Variants in FERD3L observed in about 807,000 individuals in gnomAD.
FERD3L encodes the protein Fer3 like bHLH transcription factor, also known as fer3-like protein.
FERD3L carries 7 observed loss-of-function variants against 7.5 expected under a neutral mutation model. The observed-to-expected ratio is 0.94, with a 90% CI of 0.53 to 1.76. The LOEUF is 1.76. Ranked by LOEUF, FERD3L falls within the 40% of genes most tolerant of loss-of-function variation. FERD3L has a pLI of 0.00. For synonymous variants in FERD3L, 122 were observed against 94.4 expected (o/e 1.29, Z -1.70); for missense variants, 264 against 220.9 (o/e 1.20, Z -1.24).
chr7:19,145,387 A>G lies in FERD3L; in HGVS notation c.-25T>C. On this transcript the variant is annotated 5_prime_UTR_variant, in exon 1 of 1. The change abolishes an upstream ATG in the 5' untranslated region. Coordinates refer to ENST00000275461, the MANE Select transcript of FERD3L (RefSeq NM_152898.2). Reference sequence around the variant, plus strand: ...TCGCTTCGGCTTGGCCCTGCCTCTCATCGGTTTTCCGCAGGGAGGGGCGAG... The same window carrying G: ...TCGCTTCGGCTTGGCCCTGCCTCTCGTCGGTTTTCCGCAGGGAGGGGCGAG... The G allele has an allele frequency of 6.4e-7, 1 of 1,554,134 alleles. No individual in the cohort carries two copies. The highest frequency in any genetic ancestry group is 8.7e-7 in the Non-Finnish European group (1 of 1,148,264).
In FERD3L at chr7:19,145,025, C is replaced by A; in HGVS notation, c.338G>T (p.Arg113Leu). 6.2e-7 allele frequency: 1 copy of A among 1,614,200 alleles called. No homozygotes were observed. The highest frequency in any genetic ancestry group is 8.5e-7 in the Non-Finnish European group (1 of 1,180,042). ...RQAANIRERK[R>L]MFNLNEAFDQ... ...AAAGGCCTCGTTGAGGTTGAACATC[C>A]GCTTCCTTTCGCGGATGTTGGCGGC... The change falls in exon 1 of 1, where the codon CGG (arginine) becomes CTG (leucine). Residue 113 changes from arginine to leucine, a missense_variant. By Grantham distance (102) the Arg-to-Leu change is moderately radical. Coordinates refer to ENST00000275461, the MANE Select transcript of FERD3L (RefSeq NM_152898.2).
At position 19,145,223 on chromosome 7, in the gene FERD3L, C is replaced by A; in HGVS notation, c.140G>T (p.Arg47Leu). The change falls in exon 1 of 1, where the codon CGA becomes CTA. Residue 47 changes from arginine to leucine, a missense_variant. By Grantham distance (102) the Arg-to-Leu change is moderately radical (BLOSUM62 -2). Coordinates refer to ENST00000275461, the MANE Select transcript of FERD3L (RefSeq NM_152898.2). ...CGCCATCCTCCTGGGTCTTCCCTCTCGGAGCGCAAGGGCTGGGTCCCCCAA... is the reference window on the plus strand; with the variant it reads ...CGCCATCCTCCTGGGTCTTCCCTCTAGGAGCGCAAGGGCTGGGTCCCCCAA... ...VSLGDPALALREGRPRRMARF... is the reference protein window; with the variant it reads ...VSLGDPALALLEGRPRRMARF... 1 of 1,614,116 alleles carries A rather than the reference C, an allele frequency of 6.2e-7. No homozygotes were observed. The highest frequency in any genetic ancestry group is 8.5e-7 in the Non-Finnish European group (1 of 1,179,998).
Position 19,145,066 on chromosome 7 carries a change from G to A in FERD3L, c.297C>T (p.Thr99=), listed in dbSNP as rs1452474244. Reference sequence around the variant, plus strand: ...TGTTGGCGGCCTGGCGCTGGGCGTAGGTGATCACCCTTTTCCTCTTGGGGC... The same window carrying A: ...TGTTGGCGGCCTGGCGCTGGGCGTAAGTGATCACCCTTTTCCTCTTGGGGC... ...LGRPKRKRVI[T]YAQRQAANIR... is the part of the protein sequence containing the mutation. The change falls in exon 1 of 1, where the codon ACC becomes ACT. Residue 99 remains threonine (T), a synonymous_variant. Coordinates refer to ENST00000275461, the MANE Select transcript of FERD3L (RefSeq NM_152898.2). 1.2e-6 allele frequency: 2 copies of A among 1,614,020 alleles called. No homozygotes were observed. Among genetic ancestry groups the A allele is most frequent in the African/African-American group, 1.3e-5 (1 of 74,926 alleles).
chr7:19,145,318 G>A lies in FERD3L; in HGVS notation c.45C>T (p.Asp15=). The change falls in exon 1 of 1, where the codon GAC becomes GAT. Residue 15 remains aspartate, a synonymous_variant. Transcript: ENST00000275461. ...PESCVDTTVL[D]FVADLSLASP... is the part of the protein sequence containing the mutation. Reference sequence around the variant, plus strand: ...AGGCCAGGGACAGGTCTGCGACGAAGTCCAGCACCGTAGTGTCCACGCAGC... The same window carrying A: ...AGGCCAGGGACAGGTCTGCGACGAAATCCAGCACCGTAGTGTCCACGCAGC... 1 of 1,607,990 alleles carries A rather than the reference G, an allele frequency of 6.2e-7. No individual in the cohort carries two copies. The highest frequency in any genetic ancestry group is 1.1e-5 in the South Asian group (1 of 91,038).
rs1419170034 is a variant in FERD3L, at chr7:19,145,339, G to T, written c.24C>A (p.Cys8Ter). The T allele has an allele frequency of 1.3e-5, 21 of 1,589,156 alleles. No homozygotes were observed. Among genetic ancestry groups the T allele is most frequent in the Non-Finnish European group, 1.8e-5 (21 of 1,163,924 alleles). ...CGAAGTCCAGCACCGTAGTGTCCACGCAGCTCTCCGGATAGGCCGCCATCG... is the reference window on the plus strand; with the variant it reads ...CGAAGTCCAGCACCGTAGTGTCCACTCAGCTCTCCGGATAGGCCGCCATCG... Reference protein sequence around the residue: MAAYPESCVDTTVLDFVA... With the variant: MAAYPES Residue 8 changes from cysteine (C) to a stop codon, truncating the protein, a stop_gained, in exon 1 of 1, where the codon TGC (cysteine) becomes TGA (stop). Coordinates refer to ENST00000275461, the MANE Select transcript of FERD3L (RefSeq NM_152898.2). LOFTEE classifies it high-confidence loss of function.
chr7:19,145,142 C>T lies in FERD3L; in HGVS notation c.221G>A (p.Gly74Glu). 2 of 1,612,784 alleles carry T rather than the reference C, an allele frequency of 1.2e-6. No individual in the cohort carries two copies. The highest frequency in any genetic ancestry group is 1.3e-5 in the African/African-American group (1 of 75,032). ...EEECEVDQGD[G>E]EEEEEEERGR... ...GCGCTCCTCTTCCTCCTCCTCTTCT[C>T]CGTCCCCCTGGTCCACTTCGCACTC... The change falls in exon 1 of 1, where the codon GGA (glycine) becomes GAA (glutamate). Residue 74 changes from glycine (G) to glutamate (E), a missense_variant. Gly to Glu is a moderately conservative substitution (Grantham distance 98). Transcript: ENST00000275461.
Position 19,144,878 on chromosome 7 carries a change from T to A in FERD3L, c.485A>T (p.Lys162Met), listed in dbSNP as rs1020087483. Residue 162 changes from lysine to methionine, a missense_variant, in exon 1 of 1, where the codon AAG (lysine) becomes ATG (methionine). Transcript: ENST00000275461. ...FMTELLESCEKKESG is the reference protein window; with the variant it reads ...FMTELLESCEMKESG The stretch of plus-strand genomic sequence containing the variant: ...ACACCAGGCTCAGCCGCTTTCCTTC[T>A]TCTCACAGCTCTCCAAGAGCTCGGT... The A allele has an allele frequency of 6.8e-6, 11 of 1,613,678 alleles. No homozygotes were observed. The Admixed American group carries it at 1.2e-4, about 17-fold the overall frequency.
Position 19,145,162 on chromosome 7 carries a change from G to T in FERD3L, c.201C>A (p.Cys67Ter). 1 of 1,613,406 alleles carries T rather than the reference G, an allele frequency of 6.2e-7. No homozygotes were observed. The highest frequency in any genetic ancestry group is 8.5e-7 in the Non-Finnish European group (1 of 1,179,566). Residue 67 changes from cysteine (C) to a stop codon, truncating the protein, a stop_gained, in exon 1 of 1, where the codon TGC (cysteine) becomes TGA (stop). Coordinates refer to ENST00000275461, the MANE Select transcript of FERD3L (RefSeq NM_152898.2). LOFTEE classifies it high-confidence loss of function. Reference protein sequence around the residue: ...FEEGDPEEEECEVDQGDGEEE... With the variant: ...FEEGDPEEEE ...CTTCTCCGTCCCCCTGGTCCACTTC[G>T]CACTCCTCTTCTTCTGGGTCCCCCT...
rs372652635 is a variant in FERD3L, at chr7:19,144,932, C to A, written c.431G>T (p.Arg144Leu). 1 of 1,614,162 alleles carries A rather than the reference C, an allele frequency of 6.2e-7. No individual in the cohort carries two copies. The highest frequency in any genetic ancestry group is 1.1e-5 in the South Asian group (1 of 91,086). ...EKRLSRIETLRLAIVYISFMT... is the reference protein window; with the variant it reads ...EKRLSRIETLLLAIVYISFMT... Reference sequence around the variant, plus strand: ...GAAGGAGATATAGACGATGGCCAGGCGGAGGGTCTCGATCCGGGACAGCCT... The same window carrying A: ...GAAGGAGATATAGACGATGGCCAGGAGGAGGGTCTCGATCCGGGACAGCCT... Residue 144 changes from arginine (R) to leucine (L), a missense_variant, in exon 1 of 1, where the codon CGC (arginine) becomes CTC (leucine). Arg to Leu is a moderately radical substitution (Grantham distance 102, BLOSUM62 -2). Coordinates refer to ENST00000275461, the MANE Select transcript of FERD3L (RefSeq NM_152898.2).
rs368404209 is a variant in FERD3L at position 19,144,928 on chromosome 7, C to T, written c.435G>A (p.Leu145=). 5.0e-6 allele frequency: 8 copies of T among 1,614,072 alleles called. No homozygotes were observed. Among genetic ancestry groups the T allele is most frequent in the African/African-American group, 2.7e-5 (2 of 74,918 alleles). The part of the protein sequence containing the change: ...KRLSRIETLR[L]AIVYISFMTE... ...TCATGAAGGAGATATAGACGATGGC[C>T]AGGCGGAGGGTCTCGATCCGGGACA... is the stretch of plus-strand genomic sequence containing the variant. Residue 145 remains leucine (L), a synonymous_variant, in exon 1 of 1, where the codon CTG becomes CTA. Transcript: ENST00000275461.
rs764953205 is a variant in FERD3L at position 19,145,279 on chromosome 7, A to G, written c.84T>C (p.Pro28=). 3.7e-5 allele frequency: 59 copies of G among 1,613,336 alleles called. No individual in the cohort carries two copies. Among genetic ancestry groups the G allele is most frequent in the Non-Finnish European group, 4.7e-5 (55 of 1,179,966 alleles). ...ADLSLASPRR[P]LLCDFAPGVS... Reference sequence around the variant, plus strand: ...CCCCGGGTGCGAAGTCGCAGAGGAGAGGGCGTCTCGGGGAGGCCAGGGACA... The same window carrying G: ...CCCCGGGTGCGAAGTCGCAGAGGAGGGGGCGTCTCGGGGAGGCCAGGGACA... Residue 28 remains proline (P), a synonymous_variant, in exon 1 of 1, where the codon CCT becomes CCC. Coordinates refer to ENST00000275461, the MANE Select transcript of FERD3L (RefSeq NM_152898.2).
Position 19,144,910 on chromosome 7 carries a change from G to A in FERD3L, c.453C>T (p.Ser151=). 3 of 1,614,166 alleles carry A rather than the reference G, an allele frequency of 1.9e-6. No homozygotes were observed. The highest frequency in any genetic ancestry group is 2.5e-6 in the Non-Finnish European group (3 of 1,180,024). The change falls in exon 1 of 1, where the codon TCC becomes TCT. Residue 151 remains serine (S), a synonymous_variant. Transcript: ENST00000275461. ...AGCTCTCCAAGAGCTCGGTCATGAA[G>A]GAGATATAGACGATGGCCAGGCGGA... ...ETLRLAIVYI[S]FMTELLESCE...
Position 19,144,818 on chromosome 7 carries a change from C to G in FERD3L, c.*44G>C. 3 of 1,597,170 alleles carry G rather than the reference C, an allele frequency of 1.9e-6. No homozygotes were observed. Among genetic ancestry groups the G allele is most frequent in the Non-Finnish European group, 2.6e-6 (3 of 1,169,832 alleles). On this transcript the variant is annotated 3_prime_UTR_variant, in exon 1 of 1. Coordinates refer to ENST00000275461, the MANE Select transcript of FERD3L (RefSeq NM_152898.2). Reference sequence around the variant, plus strand: ...CACCCAGTGCCCGGTCCTGACACACCCCAGCACTACCAGACGAGGAAGGGC... The same window carrying G: ...CACCCAGTGCCCGGTCCTGACACACGCCAGCACTACCAGACGAGGAAGGGC...
In FERD3L at chr7:19,145,344, T is replaced by C. The variant is rs1296427962; in HGVS notation, c.19A>G (p.Ser7Gly). 3 of 1,584,120 alleles carry C rather than the reference T, an allele frequency of 1.9e-6. No homozygotes were observed. The highest frequency in any genetic ancestry group is 3.4e-5 in the Admixed American group (2 of 59,314). The change falls in exon 1 of 1, where the codon AGC (serine) becomes GGC (glycine). Residue 7 changes from serine to glycine, a missense_variant. Physicochemically the swap from Ser to Gly is moderately conservative, Grantham distance 56 (BLOSUM62 0). Coordinates refer to ENST00000275461, the MANE Select transcript of FERD3L (RefSeq NM_152898.2). MAAYPE[S>G]CVDTTVLDFV... is the part of the protein sequence containing the mutation. Reference sequence around the variant, plus strand: ...TCCAGCACCGTAGTGTCCACGCAGCTCTCCGGATAGGCCGCCATCGCTTCG... The same window carrying C: ...TCCAGCACCGTAGTGTCCACGCAGCCCTCCGGATAGGCCGCCATCGCTTCG...
In FERD3L at chr7:19,144,942, C is replaced by T. The variant is rs1406197403; in HGVS notation, c.421G>A (p.Glu141Lys). 6.2e-7 allele frequency: 1 copy of T among 1,614,164 alleles called. No individual in the cohort carries two copies. The highest frequency in any genetic ancestry group is 8.5e-7 in the Non-Finnish European group (1 of 1,180,036). The part of the protein sequence containing the change: ...FAYEKRLSRI[E>K]TLRLAIVYIS... ...TAGACGATGGCCAGGCGGAGGGTCT[C>T]GATCCGGGACAGCCTTTTCTCGTAA... Residue 141 changes from glutamate to lysine, a missense_variant, in exon 1 of 1, where the codon GAG (glutamate) becomes AAG (lysine). Transcript: ENST00000275461.
In FERD3L at chr7:19,145,060, G is replaced by A; in HGVS notation, c.303C>T (p.Ala101=). 7 of 1,614,152 alleles carry A rather than the reference G, an allele frequency of 4.3e-6. No homozygotes were observed. The highest frequency in any genetic ancestry group is 5.9e-6 in the Non-Finnish European group (7 of 1,180,022). ...RPKRKRVITY[A]QRQAANIRER... ...CGCGGATGTTGGCGGCCTGGCGCTGGGCGTAGGTGATCACCCTTTTCCTCT... is the reference window on the plus strand; with the variant it reads ...CGCGGATGTTGGCGGCCTGGCGCTGAGCGTAGGTGATCACCCTTTTCCTCT... Residue 101 remains alanine (A), a synonymous_variant, in exon 1 of 1, where the codon GCC becomes GCT. Coordinates refer to ENST00000275461, the MANE Select transcript of FERD3L (RefSeq NM_152898.2).
At position 19,145,223 on chromosome 7, in the gene FERD3L, C is replaced by G. The variant is rs569834973; in HGVS notation, c.140G>C (p.Arg47Pro). 8.1e-6 allele frequency: 13 copies of G among 1,614,116 alleles called. No individual in the cohort carries two copies. The East Asian group carries it at 2.5e-4, about 30-fold the overall frequency. The change falls in exon 1 of 1, where the codon CGA (arginine) becomes CCA (proline). Residue 47 changes from arginine (R) to proline (P), a missense_variant. Transcript: ENST00000275461. Reference sequence around the variant, plus strand: ...CGCCATCCTCCTGGGTCTTCCCTCTCGGAGCGCAAGGGCTGGGTCCCCCAA... The same window carrying G: ...CGCCATCCTCCTGGGTCTTCCCTCTGGGAGCGCAAGGGCTGGGTCCCCCAA... ...VSLGDPALALREGRPRRMARF... is the reference protein window; with the variant it reads ...VSLGDPALALPEGRPRRMARF...
rs750152542 is a variant in FERD3L, at chr7:19,145,289, G to T, written c.74C>A (p.Pro25Gln). ...GAAGTCGCAGAGGAGAGGGCGTCTC[G>T]GGGAGGCCAGGGACAGGTCTGCGAC... ...DFVADLSLASPRRPLLCDFAP... is the reference protein window; with the variant it reads ...DFVADLSLASQRRPLLCDFAP... The change falls in exon 1 of 1, where the codon CCG (proline) becomes CAG (glutamine). Residue 25 changes from proline to glutamine, a missense_variant. Transcript: ENST00000275461. 1 of 1,612,802 alleles carries T rather than the reference G, an allele frequency of 6.2e-7. No individual in the cohort carries two copies. The highest frequency in any genetic ancestry group is 1.1e-5 in the South Asian group (1 of 91,076).
Position 19,144,852 on chromosome 7 carries a change from C to T in FERD3L, c.*10G>A, listed in dbSNP as rs527864441. 6.2e-7 allele frequency: 1 copy of T among 1,612,692 alleles called. No individual in the cohort carries two copies. Among genetic ancestry groups the T allele is most frequent in the African/African-American group, 1.3e-5 (1 of 75,002 alleles). On this transcript the variant is annotated 3_prime_UTR_variant, in exon 1 of 1. Transcript: ENST00000275461. ...ACCAGACGAGGAAGGGCAGACTCTCCACACCAGGCTCAGCCGCTTTCCTTC... is the reference window on the plus strand; with the variant it reads ...ACCAGACGAGGAAGGGCAGACTCTCTACACCAGGCTCAGCCGCTTTCCTTC...
Sources: gnomAD v4.1 joint callset for allele counts on GRCh38, gnomAD v4.1.1 for gene constraint, MANE v1.5 for transcripts, NCBI Gene and HGNC (gene_info 2026-07-23, HGNC 2026-07-21) for gene names.